ACO1: variants seen among roughly 807,000 people sequenced by gnomAD.
The protein encoded by ACO1 is aconitase 1, also known as cytoplasmic aconitate hydratase.
A neutral mutation model predicts 105.1 loss-of-function variants in ACO1; 78 were observed. The observed-to-expected ratio is 0.74, with a 90% CI of 0.62 to 0.90. The LOEUF (loss-of-function observed/expected upper bound fraction) is 0.90. Among genes scored for constraint, ACO1 ranks in the 40% least tolerant of loss-of-function variants. ACO1 has a pLI of 0.00. For synonymous variants in ACO1, 364 were observed against 397.4 expected (o/e 0.92, Z 1.00); for missense variants, 965 against 1,111.1 (o/e 0.87, Z 1.87).
chr9:32,440,515 G>C lies in ACO1; in HGVS notation c.2298G>C (p.Leu766=). ...AERYQQAGLP[L]IVLAGKEYGA... ...GGTACCAGCAGGCAGGCCTTCCCCT[G>C]ATCGTTCTGGCTGGCAAAGAGTACG... Residue 766 remains leucine, a synonymous_variant, in exon 19 of 21, where the codon CTG becomes CTC. Transcript: ENST00000309951. 1 of 1,613,976 alleles carries C rather than the reference G, an allele frequency of 6.2e-7. No individual in the cohort carries two copies. The highest frequency in any genetic ancestry group is 8.5e-7 in the Non-Finnish European group (1 of 1,179,938).
intron 4 of ACO1, among the ~76,000 whole-genome samples, chr9:32,412,468 T>A (rs2118432969): frequency 6.6e-6 from 1 of 152,348 alleles, no homozygotes; most frequent in African/African-American, 2.4e-5. Context: ...ATTTGCTTCC[T>A]TGGGGATGTA....
rs1319471743 is a variant in ACO1 at position 32,437,620 on chromosome 9, C to G, written c.2247+1223C>G. Among the ~76,000 whole-genome samples the G allele has an allele frequency of 2.6e-5, 4 of 152,278 alleles. No homozygotes were observed. In the East Asian group the frequency reaches 7.7e-4, roughly 29 times the overall value. ...ACAAGCCCTGCATGACATAGAACTT[C>G]TAGTCAGATGTCTAGAACCTCATCT... On this transcript the variant is annotated intron_variant, in intron 18 of 20. Transcript: ENST00000309951.
At chr9:32,398,844 G>A (rs1463039538) in intron 1 of ACO1, among the ~76,000 whole-genome samples, 6 of 151,962 alleles carry the variant, frequency 3.9e-5, no homozygotes, top group Admixed American at 2.6e-4. Flanking sequence ...GTCCACCCAC[G>A]TTGGCCTCCC....
chr9:32,385,943 T>C (rs919268529), intron 1 of ACO1, among the ~76,000 whole-genome samples: 2 of 152,190 alleles, frequency 1.3e-5, no homozygotes, highest in South Asian at 2.1e-4. Flanking sequence ...CCTCATGCCA[T>C]GGACAGTATT....
At chr9:32,428,454 T>C (rs1193873629) in intron 12 of ACO1, among the ~76,000 whole-genome samples, 1 of 151,932 alleles carries the variant, frequency 6.6e-6, no homozygotes, top group African/African-American at 2.4e-5. Flanking sequence ...CCTGGAATAC[T>C]TCCTGAAGAA....
chr9:32,389,620 G>T (rs1287681598), intron 1 of ACO1, among the ~76,000 whole-genome samples: 1 of 151,158 alleles, frequency 6.6e-6, no homozygotes, highest in African/African-American at 2.4e-5. Flanking sequence ...CACTTCAGTT[G>T]ACTGGCACCA....
At chr9:32,433,137 C>T (rs1822275658) in intron 15 of ACO1, among the ~76,000 whole-genome samples, 1 of 152,134 alleles carries the variant, frequency 6.6e-6, no homozygotes, top group Non-Finnish European at 1.5e-5. Context: ...TAGCTTCAGC[C>T]CACACTCAAC....
At chr9:32,389,333 C>T (rs965508570) in intron 1 of ACO1, among the ~76,000 whole-genome samples, 8 of 152,114 alleles carry the variant, frequency 5.3e-5, no homozygotes, top group South Asian at 2.1e-4. Context: ...TTTAGCTTAT[C>T]GGGGTTTTCA....
chr9:32,433,807 A>G lies in ACO1; in HGVS notation c.1931A>G (p.Lys644Arg), dbSNP rs189552242. The change falls in exon 16 of 21, where the codon AAA becomes AGA. Residue 644 changes from lysine to arginine, a missense_variant. Lys to Arg is a conservative substitution (Grantham distance 26, BLOSUM62 2). Transcript: ENST00000309951. ...TGGAATTCCAAATCTACGTATATCA[A>G]ATCACCACCATTCTTTGAAAACCTG... is the stretch of plus-strand genomic sequence containing the variant. ...FFWNSKSTYI[K>R]SPPFFENLTL... 3.7e-6 allele frequency: 6 copies of G among 1,610,910 alleles called. No individual in the cohort carries two copies. Among genetic ancestry groups the G allele is most frequent in the African/African-American group, 1.3e-5 (1 of 74,754 alleles).
At position 32,421,006 on chromosome 9, in the gene ACO1, A is replaced by G. The variant is rs767964183; in HGVS notation, c.949A>G (p.Ile317Val). ...CTTTTTCCCAGTTGATGAAGTTAGT[A>G]TCACGTACCTGGTGCAAACAGGTAA... is the stretch of plus-strand genomic sequence containing the variant. ...AAFFPVDEVSITYLVQTGRDE... is the reference protein window; with the variant it reads ...AAFFPVDEVSVTYLVQTGRDE... Residue 317 changes from isoleucine (I) to valine (V), a missense_variant, in exon 8 of 21, where the codon ATC becomes GTC. Ile to Val is a conservative substitution (Grantham distance 29). Transcript: ENST00000309951. The G allele has an allele frequency of 1.2e-6, 2 of 1,613,990 alleles. No homozygotes were observed. The highest frequency in any genetic ancestry group is 2.7e-5 in the African/African-American group (2 of 74,912).
chr9:32,411,879 T>A (rs1394433925), intron 4 of ACO1, among the ~76,000 whole-genome samples: 1 of 152,168 alleles, frequency 6.6e-6, no homozygotes, highest in Non-Finnish European at 1.5e-5. Flanking sequence ...CATTTATTTA[T>A]TTATTTATTT....
chr9:32,437,747 A>G (rs1442237652), intron 18 of ACO1, among the ~76,000 whole-genome samples: 1 of 152,206 alleles, frequency 6.6e-6, no homozygotes, highest in Non-Finnish European at 1.5e-5. Flanking sequence ...TACTTAGAGA[A>G]GAGTTCATTT....
At chr9:32,384,847 G>A (rs1000231190) in intron 1 of ACO1, 112 bp downstream of exon 1, 1 of 240,656 alleles carries the variant, frequency 4.2e-6, no homozygotes, top group Admixed American at 5.8e-5. Flanking sequence ...GTGGCGGCAC[G>A]GGGGACACGG....
chr9:32,425,871 C>T lies in ACO1; in HGVS notation c.1222C>T (p.His408Tyr). The T allele has an allele frequency of 1.2e-6, 2 of 1,613,624 alleles. No individual in the cohort carries two copies. The highest frequency in any genetic ancestry group is 1.7e-6 in the Non-Finnish European group (2 of 1,179,660). ...GFKGFQVAPE[H>Y]HNDHKTFIYD... Reference sequence around the variant, plus strand: ...TAAAGGATTCCAAGTTGCTCCTGAACATCATAATGACCATAAGACCTTTAT... The same window carrying T: ...TAAAGGATTCCAAGTTGCTCCTGAATATCATAATGACCATAAGACCTTTAT... Residue 408 changes from histidine (H) to tyrosine (Y), a missense_variant, in exon 11 of 21, where the codon CAT becomes TAT. Coordinates refer to ENST00000309951, the MANE Select transcript of ACO1 (RefSeq NM_002197.3).
In ACO1 at chr9:32,449,021, A is replaced by G. The variant is rs1408802093; in HGVS notation, c.2496A>G (p.Gln832=). 1 of 1,614,044 alleles carries G rather than the reference A, an allele frequency of 6.2e-7. No individual in the cohort carries two copies. The highest frequency in any genetic ancestry group is 2.2e-5 in the East Asian group (1 of 44,872). Residue 832 remains glutamine (Q), a synonymous_variant, in exon 20 of 21, where the codon CAA becomes CAG. Transcript: ENST00000309951. ...ENADALGLTG[Q]ERYTIIIPEN... ...CAGATGCCCTGGGGCTCACAGGGCAAGAACGATACACTATCATTATTCCAG... is the reference window on the plus strand; with the variant it reads ...CAGATGCCCTGGGGCTCACAGGGCAGGAACGATACACTATCATTATTCCAG...
At chr9:32,416,269 A>G (rs1821847023) in intron 4 of ACO1, among the ~76,000 whole-genome samples, 1 of 151,808 alleles carries the variant, frequency 6.6e-6, no homozygotes, top group East Asian at 1.9e-4. Context: ...TAATTTTTAT[A>G]TTTTTAGCAG....
In ACO1 at chr9:32,408,520, G is replaced by T. The variant is rs779177499; in HGVS notation, c.273G>T (p.Val91=). The T allele has an allele frequency of 2.5e-6, 4 of 1,614,086 alleles. No individual in the cohort carries two copies. Among genetic ancestry groups the T allele is most frequent in the Non-Finnish European group, 2.5e-6 (3 of 1,179,988 alleles). The stretch of plus-strand genomic sequence containing the variant: ...ATTCTCTTTCTTCTCTTAGGGGTGT[G>T]CCCGCTGTGGTTGACTTTGCTGCAA... ...ARVILQDFTG[V]PAVVDFAAMR... is the part of the protein sequence containing the mutation. The change falls in exon 4 of 21, where the codon GTG becomes GTT. Residue 91 remains valine, a synonymous_variant. Coordinates refer to ENST00000309951, the MANE Select transcript of ACO1 (RefSeq NM_002197.3).
intron 3 of ACO1, among the ~76,000 whole-genome samples, chr9:32,408,290 T>C (rs1821658713): frequency 3.3e-5 from 5 of 152,218 alleles, no homozygotes; most frequent in Non-Finnish European, 7.3e-5. Context: ...AATACGGTGA[T>C]AACATTGTAC....
intron 4 of ACO1, among the ~76,000 whole-genome samples, chr9:32,412,384 A>G (rs1821759126): frequency 6.6e-6 from 1 of 152,150 alleles, no homozygotes; most frequent in South Asian, 2.1e-4. Context: ...CATTTTCCTA[A>G]TAAGAAGCTA....
Sources: gnomAD v4.1 joint callset for allele counts (sites outside exome capture counted in the v4.1 genomes callset) on GRCh38, gnomAD v4.1.1 for gene constraint, MANE v1.5 for transcripts, NCBI Gene and HGNC (gene_info 2026-07-23, HGNC 2026-07-21) for gene names.